ELFN1: variants seen among roughly 807,000 people sequenced by gnomAD.
ELFN1 encodes the protein protein ELFN1.
Under a neutral mutation model 7.6 loss-of-function variants are expected in ELFN1, and 6 were observed. The ratio of observed to expected loss-of-function variants is 0.79; its 90% CI spans 0.43 to 1.56. The LOEUF is 1.56. Among genes scored for constraint, ELFN1 ranks in the 40% most tolerant of loss-of-function variants. ELFN1 has a pLI of 0.01. For synonymous variants in ELFN1, 657 were observed against 588.1 expected, an observed-to-expected ratio of 1.12 and a Z score of -1.70; for missense variants, 1,169 against 1,232.2, an observed-to-expected ratio of 0.95 and a Z score of 0.77.
At chr7:1,699,523 C>T (rs192060537) in intron 2 of ELFN1, among the ~76,000 whole-genome samples, 27 of 152,150 alleles carry the variant, frequency 1.8e-4, no homozygotes, top group Admixed American at 8.5e-4. Flanking sequence ...TACCTGTGGG[C>T]GCAGCTACTC....
At chr7:1,704,929 G>A (rs930503566) in intron 2 of ELFN1, among the ~76,000 whole-genome samples, 4 of 152,154 alleles carry the variant, frequency 2.6e-5, no homozygotes, top group Admixed American at 6.5e-5. Context: ...GCAGCCGTGC[G>A]TGTCCCCGTC....
intron 3 of ELFN1, among the ~76,000 whole-genome samples, chr7:1,733,004 G>A (rs1001747141): frequency 6.6e-6 from 1 of 152,082 alleles, no homozygotes; most frequent in South Asian, 2.1e-4. Flanking sequence ...GGGTTCAAGC[G>A]ATTCTCCTGC....
At position 1,676,934 on chromosome 7, in the gene ELFN1, C is replaced by T. The variant is rs370534480; in HGVS notation, c.-549+6580C>T. Among the ~76,000 whole-genome samples, 20 of 152,208 alleles carry T rather than the reference C, an allele frequency of 1.3e-4. No individual in the cohort carries two copies. In the East Asian group the frequency reaches 2.5e-3, roughly 19 times the overall value. ...CTTTAAAGCATCCCTCTGATGTCGA[C>T]GGAGAAAGGGTTTTTAAGGGCACAC... On this transcript the variant is annotated intron_variant, in intron 1 of 3. Transcript: ENST00000424383.
At chr7:1,697,956 A>G (rs1354296324) in intron 2 of ELFN1, among the ~76,000 whole-genome samples, 1 of 152,176 alleles carries the variant, frequency 6.6e-6, no homozygotes, top group East Asian at 1.9e-4. Flanking sequence ...GGCTGGGGCC[A>G]GGCCTGGGCT....
At chr7:1,668,115 G>A (rs1340671236), upstream of ELFN1, among the ~76,000 whole-genome samples, 3 of 152,210 alleles carry the variant, frequency 2.0e-5, no homozygotes, top group Non-Finnish European at 4.4e-5. Flanking sequence ...GGCCCCGCGC[G>A]CGTACCCCTA....
At chr7:1,712,745 T>C (rs896291808) in intron 3 of ELFN1, among the ~76,000 whole-genome samples, 1 of 152,216 alleles carries the variant, frequency 6.6e-6, no homozygotes, top group African/African-American at 2.4e-5. Context: ...CTTTCCTTTT[T>C]AAAAGTCAGA....
At chr7:1,699,863 C>T (rs1257047264) in intron 2 of ELFN1, among the ~76,000 whole-genome samples, 4 of 152,054 alleles carry the variant, frequency 2.6e-5, no homozygotes, top group African/African-American at 7.2e-5. Flanking sequence ...GCCACCGTGC[C>T]CTGCTAATTT....
chr7:1,732,691 C>T (rs1780349586), intron 3 of ELFN1, among the ~76,000 whole-genome samples: 1 of 152,068 alleles, frequency 6.6e-6, no homozygotes, highest in African/African-American at 2.4e-5. Context: ...CCCCGAGCCG[C>T]AAAGCAGGGG....
chr7:1,675,793 G>A (rs968308360), intron 1 of ELFN1, among the ~76,000 whole-genome samples: 17 of 152,226 alleles, frequency 1.1e-4, no homozygotes, highest in African/African-American at 4.1e-4. Context: ...CCGCGCTGTC[G>A]AGACACAGCC....
intron 2 of ELFN1, among the ~76,000 whole-genome samples, chr7:1,697,517 T>C (rs913636272): frequency 6.6e-6 from 1 of 152,228 alleles, no homozygotes; most frequent in African/African-American, 2.4e-5. Context: ...TAGCACGTGT[T>C]TAGGGTCTGG....
At position 1,707,273 on chromosome 7, in the gene ELFN1, C is replaced by T. The variant is rs143301990; in HGVS notation, c.-455-1818C>T. On this transcript the variant is annotated intron_variant, in intron 2 of 3. Coordinates refer to ENST00000424383, the MANE Select transcript of ELFN1 (RefSeq NM_001128636.4). ...AAGTCCGAGAGCAGCTGGAAATCCG[C>T]GTCCTGGCCCGACCCCTCCACGTGA... Among the ~76,000 whole-genome samples, 20 of 152,342 alleles carry T rather than the reference C, an allele frequency of 1.3e-4. No homozygotes were observed. The East Asian group carries it at 2.5e-3, about 19-fold the overall frequency.
chr7:1,697,230 A>G (rs961329288), intron 2 of ELFN1, among the ~76,000 whole-genome samples: 4 of 151,876 alleles, frequency 2.6e-5, no homozygotes. Flanking sequence ...CTAGAGGGGA[A>G]AGGGGAGGGT....
At chr7:1,717,153 G>A (rs114344996) in intron 3 of ELFN1, among the ~76,000 whole-genome samples, 1,566 of 152,270 alleles carry the variant, frequency 0.01, 28 homozygotes, top group African/African-American at 0.035. Context: ...TGGTGCCGCC[G>A]CACGCAGGAA....
intron 3 of ELFN1, among the ~76,000 whole-genome samples, chr7:1,719,554 AG>A (rs1216017598): frequency 6.6e-6 from 1 of 151,220 alleles, no homozygotes; most frequent in Non-Finnish European, 1.5e-5. Flanking sequence ...CAGCCCCCGC[AG>A]TGCCCTCCCT....
At chr7:1,672,306 CAA>C in intron 1 of ELFN1, among the ~76,000 whole-genome samples, 1 of 152,184 alleles carries the variant, frequency 6.6e-6, no homozygotes, top group African/African-American at 2.4e-5. Flanking sequence ...ACTGATTTTT[CAA>C]AGTGTCTTTG....
At position 1,744,857 on chromosome 7, in the gene ELFN1, G is replaced by A. The variant is rs762155636; in HGVS notation, c.261G>A (p.Thr87=). 1.1e-5 allele frequency: 17 copies of A among 1,574,274 alleles called. No individual in the cohort carries two copies. Among genetic ancestry groups the A allele is most frequent in the East Asian group, 6.9e-5 (3 of 43,188 alleles). Residue 87 remains threonine, a synonymous_variant, in exon 4 of 4, where the codon ACG becomes ACA. Coordinates refer to ENST00000424383, the MANE Select transcript of ELFN1 (RefSeq NM_001128636.4). ...CGCTCAGCCGCTTTGGCAACCTCAC[G>A]TACCTCAACCTCACCAAGAACGAGA... is the stretch of plus-strand genomic sequence containing the variant. ...YASLSRFGNL[T]YLNLTKNEIG...
At chr7:1,743,235 C>G (rs1329556830) in intron 3 of ELFN1, among the ~76,000 whole-genome samples, 2 of 152,214 alleles carry the variant, frequency 1.3e-5, no homozygotes, top group East Asian at 3.9e-4. Context: ...TCAGCAGACA[C>G]TAGGCAGATG....
intron 3 of ELFN1, among the ~76,000 whole-genome samples, chr7:1,712,035 G>A (rs954351229): frequency 3.3e-5 from 5 of 152,230 alleles, no homozygotes; most frequent in African/African-American, 4.8e-5. Flanking sequence ...TGCCACAGCC[G>A]TTGGGGATGG....
Position 1,695,768 on chromosome 7 carries a change from A to C in ELFN1, c.-456+7618A>C, listed in dbSNP as rs1264965545. 1.3e-5 allele frequency among the ~76,000 whole-genome samples: 2 copies of C among 151,642 alleles called. No individual in the cohort carries two copies. Among genetic ancestry groups the C allele is most frequent in the East Asian group, 1.9e-4 (1 of 5,152 alleles). On this transcript the variant is annotated intron_variant, in intron 2 of 3. Transcript: ENST00000424383. The surrounding 1 kb of genome is among the most constrained non-coding windows in gnomAD (Gnocchi z 5.1). ...GTGTCAAAAAAAAAAAAAAAAAAAA[A>C]AAAACCGTGCTGGTTTGGTTTCACT...
Sources: allele counts gnomAD v4.1 joint callset (sites outside exome capture counted in the v4.1 genomes callset), GRCh38; gene constraint gnomAD v4.1.1; non-coding constraint Gnocchi (gnomAD v3.1); transcripts MANE v1.5; gene names NCBI Gene and HGNC (gene_info 2026-07-23, HGNC 2026-07-21).